PRSS53: variants seen among roughly 807,000 people sequenced by gnomAD.
The protein encoded by PRSS53 is EDTP308.
A neutral mutation model predicts 62.7 loss-of-function variants in PRSS53; 54 were observed. That is an observed-to-expected ratio of 0.86 (90% CI 0.69 to 1.08). The LOEUF (loss-of-function observed/expected upper bound fraction) is 1.08. PRSS53 is among the 50% of genes least tolerant of loss of function. The pLI, the probability that PRSS53 is intolerant of heterozygous loss-of-function variation, is 0.00. For missense variants in PRSS53, 688 were observed against 728.3 expected (o/e 0.94, Z 0.64); for synonymous variants, 273 against 300.0 (o/e 0.91, Z 0.93).
intron 1 of PRSS53, 38 bp downstream of exon 1, chr16:31,088,714 A>G: frequency 6.2e-7 from 1 of 1,611,338 alleles, no homozygotes; most frequent in South Asian, 1.1e-5. Flanking sequence ...CTGAGCCCCC[A>G]CCAGGCCACA....
chr16:31,086,073 C>T lies in PRSS53; in HGVS notation c.774G>A (p.Leu258=), dbSNP rs2057229800. 1.9e-6 allele frequency: 3 copies of T among 1,613,794 alleles called. No homozygotes were observed. In the African/African-American group the frequency reaches 4.0e-5, roughly 22 times the overall value. The change falls in exon 6 of 11, where the codon CTG becomes CTA. Residue 258 remains leucine, a synonymous_variant. Transcript: ENST00000280606. ...AGGAACTGTGAGCAGCTGTGTTGGT[C>T]AGCAGCACAGGAGCGTCCTCCTGGG...
At chr16:31,084,063 G>A in intron 10 of PRSS53, 56 bp downstream of exon 10, 1 of 1,535,776 alleles carries the variant, frequency 6.5e-7, no homozygotes, top group Admixed American at 2.0e-5. Flanking sequence ...GTTCTCACTG[G>A]AGAGAGAAGG....
exon 6 of PRSS53, chr16:31,086,066 T>C (rs2057229674): frequency 1.6e-5 from 26 of 1,613,744 alleles, no homozygotes; most frequent in Non-Finnish European, 2.2e-5. Flanking sequence ...TGAGCAGCTG[T>C]GTTGGTCAGC....
chr16:31,085,222 C>T lies in PRSS53; in HGVS notation c.922G>A (p.Ala308Thr), dbSNP rs370538390. Residue 308 changes from alanine (A) to threonine (T), a missense_variant, in exon 7 of 11, where the codon GCA becomes ACA. Transcript: ENST00000280606. The stretch of plus-strand genomic sequence containing the variant: ...GCCTCCCAGGGCCATGGGGAGGGTG[C>T]TCCTGCCTGGGGACCTGCTGTCCTC... The T allele has an allele frequency of 3.6e-4, 582 of 1,600,126 alleles. 8 individuals carry two copies. In the South Asian group the frequency reaches 6.2e-3, roughly 17 times the overall value.
intron 9 of PRSS53, 51 bp from the exon 10 acceptor site, chr16:31,084,386 G>A: frequency 2.6e-6 from 4 of 1,558,154 alleles, no homozygotes; most frequent in Non-Finnish European, 3.5e-6. Context: ...AGCTGTGCAG[G>A]ACGGTAGAGC....
intron 1 of PRSS53, 49 bp from the exon 2 acceptor site, chr16:31,087,875 AG>A: frequency 6.2e-7 from 1 of 1,610,128 alleles, no homozygotes; most frequent in Non-Finnish European, 8.5e-7. Context: ...AGGCCTGCCT[AG>A]CTTTGGGGAG....
At chr16:31,085,167 C>T in exon 7 of PRSS53, 1 of 1,610,790 alleles carries the variant, frequency 6.2e-7, no homozygotes, top group Non-Finnish European at 8.5e-7. Context: ...GGCTCCGCCA[C>T]AGGCCAGCTG....
chr16:31,087,667 G>T (rs759839134), exon 3 of PRSS53: 3 of 1,611,794 alleles, frequency 1.9e-6, no homozygotes, highest in Non-Finnish European at 2.5e-6. Context: ...CCCTCCTGAG[G>T]CTTGGGGGGG....
chr16:31,086,390 G>A (rs767370744), exon 5 of PRSS53: 19 of 1,613,936 alleles, frequency 1.2e-5, no homozygotes, highest in Admixed American at 5.0e-5. Context: ...ATCCCAGGCC[G>A]GGCCGGGTTG....
chr16:31,087,909 G>A (rs749551192), intron 1 of PRSS53, 83 bp from the exon 2 acceptor site: 19 of 1,582,616 alleles, frequency 1.2e-5, no homozygotes, highest in South Asian at 3.4e-5. Flanking sequence ...GCTGGGGGGC[G>A]GGCCCAGGGT....
intron 3 of PRSS53, 85 bp from the exon 4 acceptor site, chr16:31,086,983 T>C: frequency 2.1e-6 from 3 of 1,399,922 alleles, no homozygotes; most frequent in African/African-American, 1.5e-5. Context: ...AGGTGGAAGA[T>C]AGCAGAGAGC....
Position 31,085,231 on chromosome 16 carries a change from G to A in PRSS53, c.913C>T (p.Gln305Ter), listed in dbSNP as rs764560393. The change falls in exon 7 of 11, where the codon CAG becomes TAG. Residue 305 changes from glutamine (Q) to a stop codon, truncating the protein, a stop_gained. Coordinates refer to ENST00000280606, the Ensembl canonical transcript of PRSS53. LOFTEE classifies it high-confidence loss of function. The stretch of plus-strand genomic sequence containing the variant: ...GGCCATGGGGAGGGTGCTCCTGCCT[G>A]GGGACCTGCTGTCCTCAAGGATCCA... The A allele has an allele frequency of 6.3e-7, 1 of 1,595,416 alleles. No homozygotes were observed. The highest frequency in any genetic ancestry group is 8.5e-7 in the Non-Finnish European group (1 of 1,171,740).
Position 31,085,092 on chromosome 16 carries a change from G to A in PRSS53, c.1034+18C>T, listed in dbSNP as rs1191099547. The A allele has an allele frequency of 1.2e-6, 2 of 1,613,074 alleles. No homozygotes were observed. The highest frequency in any genetic ancestry group is 1.1e-5 in the South Asian group (1 of 90,970). ...CGGCAGGGGCAGGGGGCACAGCAGA[G>A]AGGGATCCAAGACTCACCCAATGAA... On this transcript the variant is annotated intron_variant, in intron 7 of 10. Coordinates refer to ENST00000280606, the Ensembl canonical transcript of PRSS53.
chr16:31,085,155 A>G lies in PRSS53; in HGVS notation c.989T>C (p.Leu330Pro), dbSNP rs1281842496. ...AGTTAGCACCGCCTCCTCTGACACC[A>G]GGGCTCCGCCACAGGCCAGCTGTCC... The change falls in exon 7 of 11, where the codon CTG (leucine) becomes CCG (proline). Residue 330 changes from leucine (L) to proline (P), a missense_variant. Leu to Pro is a moderately conservative substitution (Grantham distance 98). Transcript: ENST00000280606. The G allele has an allele frequency of 2.5e-6, 4 of 1,611,544 alleles. No homozygotes were observed. In the South Asian group the frequency reaches 3.3e-5, roughly 13 times the overall value.
chr16:31,083,616 C>T (rs953616987), exon 11 of PRSS53: 59 of 1,500,636 alleles, frequency 3.9e-5, no homozygotes, highest in Non-Finnish European at 5.2e-5. Flanking sequence ...CACCCCTGTC[C>T]TGCAGGGTGG....
chr16:31,084,864 G>C, exon 8 of PRSS53: 1 of 1,547,682 alleles, frequency 6.5e-7, no homozygotes, highest in Non-Finnish European at 8.7e-7. Flanking sequence ...CAGAGGGGCC[G>C]CAGGCTGGCT....
At chr16:31,088,458 G>T in intron 1 of PRSS53, 1 of 1,299,568 alleles carries the variant, frequency 7.7e-7, no homozygotes, top group Non-Finnish European at 9.8e-7. Context: ...TTTGCCTGAC[G>T]TCATTGTGGA....
intron 6 of PRSS53, 146 bp from the exon 7 acceptor site, chr16:31,085,406 C>T: frequency 9.9e-7 from 1 of 1,015,042 alleles, no homozygotes; most frequent in Non-Finnish European, 1.4e-6. Context: ...GACTTCCTTG[C>T]TCTGTAACTA....
chr16:31,086,605 C>A, intron 4 of PRSS53, 28 bp downstream of exon 4: 1 of 1,542,232 alleles, frequency 6.5e-7, no homozygotes, highest in East Asian at 2.3e-5. Flanking sequence ...GAGTGCCTCT[C>A]CGAGCTTCAG....
Sources: allele counts gnomAD v4.1 joint callset, GRCh38; gene constraint gnomAD v4.1.1; transcripts MANE v1.5; gene names NCBI Gene and HGNC (gene_info 2026-07-23, HGNC 2026-07-21).